PANX1: variants seen among roughly 807,000 people sequenced by gnomAD.
PANX1 encodes pannexin 1, also known as pannexin-1.
Under a neutral mutation model 38.7 loss-of-function variants are expected in PANX1, and 30 were observed. The ratio of observed to expected loss-of-function variants is 0.78; its 90% confidence interval spans 0.58 to 1.05. The LOEUF is 1.05. PANX1 is among the 50% of genes least tolerant of loss of function. The probability of loss-of-function intolerance (pLI) is 0.00; values close to 1 mark genes in which losing one functional copy is unlikely to be tolerated. For missense variants in PANX1, 551 were observed against 517.2 expected, an observed-to-expected ratio of 1.07 and a Z score of -0.63; for synonymous variants, 230 against 212.2, an observed-to-expected ratio of 1.08 and a Z score of -0.73.
At chr11:94,180,388 A>G (rs1203203460) in intron 4 of PANX1, 131 bp downstream of exon 4, 13 of 747,322 alleles carry the variant, frequency 1.7e-5, no homozygotes, top group Non-Finnish European at 2.8e-5. Flanking sequence ...CTTAATACCA[A>G]GGTGCGGGGT....
At chr11:94,172,615 T>G (rs1947181321) in intron 2 of PANX1, among the ~76,000 whole-genome samples, 1 of 151,782 alleles carries the variant, frequency 6.6e-6, no homozygotes, top group African/African-American at 2.4e-5. Context: ...TGCACTATAA[T>G]GGCAGAGTTG....
rs1946642562 is a variant in PANX1, at chr11:94,132,599, G to T, written c.181+3106G>T. Among the ~76,000 whole-genome samples, 2 of 152,102 alleles carry T rather than the reference G, an allele frequency of 1.3e-5. 1 individual carries two copies. The highest frequency in any genetic ancestry group is 4.1e-4 in the South Asian group (2 of 4,822). ...CATTGTTTTCCTGTTTGTGTTGGGG[G>T]GGTGGTGTGTGTGTGTATAAAATTA... On this transcript the variant is annotated intron_variant, in intron 1 of 4. Coordinates refer to ENST00000227638, the MANE Select transcript of PANX1 (RefSeq NM_015368.4).
chr11:94,148,390 G>A (rs957588581), intron 1 of PANX1, among the ~76,000 whole-genome samples: 1 of 152,148 alleles, frequency 6.6e-6, no homozygotes, highest in Non-Finnish European at 1.5e-5. Context: ...ATACCCTTCG[G>A]GGCAAACGTC....
At chr11:94,177,891 T>C (rs1947253508) in intron 2 of PANX1, among the ~76,000 whole-genome samples, 1 of 151,984 alleles carries the variant, frequency 6.6e-6, no homozygotes, top group Non-Finnish European at 1.5e-5. Context: ...GTCGAAGCTT[T>C]TCTAATTTGT....
Position 94,179,830 on chromosome 11 carries a change from C to G in PANX1, c.774C>G (p.Thr258=). 6.2e-7 allele frequency: 1 copy of G among 1,614,096 alleles called. No homozygotes were observed. The highest frequency in any genetic ancestry group is 8.5e-7 in the Non-Finnish European group (1 of 1,180,010). ...IKSGILRNDS[T]VPDQFQCKLI... ...CAGGGATCCTGAGAAACGACAGCACCGTGCCCGATCAGTTTCAGTGCAAAC... is the reference window on the plus strand; with the variant it reads ...CAGGGATCCTGAGAAACGACAGCACGGTGCCCGATCAGTTTCAGTGCAAAC... Residue 258 remains threonine (T), a synonymous_variant, in exon 4 of 5, where the codon ACC becomes ACG. Transcript: ENST00000227638.
At chr11:94,144,295 T>C (rs1358991371) in intron 1 of PANX1, among the ~76,000 whole-genome samples, 1 of 152,158 alleles carries the variant, frequency 6.6e-6, no homozygotes, top group Non-Finnish European at 1.5e-5. Flanking sequence ...TTTCCTCTAG[T>C]GAATGTGTGA....
At chr11:94,141,322 G>T (rs1015761615) in intron 1 of PANX1, among the ~76,000 whole-genome samples, 2 of 152,090 alleles carry the variant, frequency 1.3e-5, no homozygotes, top group African/African-American at 2.4e-5. Context: ...TTTTAAATTT[G>T]CCAATCTTAA....
At chr11:94,148,111 G>A (rs975301362) in intron 1 of PANX1, among the ~76,000 whole-genome samples, 5 of 152,122 alleles carry the variant, frequency 3.3e-5, no homozygotes, top group Admixed American at 6.5e-5. Flanking sequence ...GCTGCGGAGG[G>A]TACTTATATT....
At chr11:94,177,969 A>G (rs979498922) in intron 2 of PANX1, among the ~76,000 whole-genome samples, 1 of 150,210 alleles carries the variant, frequency 6.7e-6, no homozygotes, top group East Asian at 1.9e-4. Context: ...ATGGAGCCGT[A>G]TGCCTTAGTT....
At chr11:94,157,507 A>G (rs1591516044) in intron 2 of PANX1, among the ~76,000 whole-genome samples, 1 of 151,956 alleles carries the variant, frequency 6.6e-6, no homozygotes, top group African/African-American at 2.4e-5. Context: ...GCATTTTTTC[A>G]TGTGTCTGTT....
At chr11:94,169,123 T>C (rs1017680092) in intron 2 of PANX1, among the ~76,000 whole-genome samples, 15 of 151,538 alleles carry the variant, frequency 9.9e-5, no homozygotes, top group African/African-American at 2.4e-4. Flanking sequence ...GCTATAGATA[T>C]GGCAGATTGT....
intron 4 of PANX1, among the ~76,000 whole-genome samples, chr11:94,180,549 G>A (rs780239059): frequency 1.3e-5 from 2 of 152,062 alleles, no homozygotes; most frequent in Admixed American, 6.6e-5. Context: ...AATCTTCCTT[G>A]TCTTTCTTGC....
chr11:94,180,768 T>G, intron 4 of PANX1, 22 bp from the exon 5 acceptor site: 1 of 1,285,624 alleles, frequency 7.8e-7, no homozygotes, highest in Middle Eastern at 1.9e-4. Flanking sequence ...CTGTCATAAA[T>G]ATTTGTTTTC....
chr11:94,164,424 A>AC (rs1446976950), intron 2 of PANX1, among the ~76,000 whole-genome samples: 3 of 152,216 alleles, frequency 2.0e-5, no homozygotes, highest in Non-Finnish European at 4.4e-5. Context: ...GTTTCAAGAA[A>AC]TTTTTAAACT....
intron 1 of PANX1, among the ~76,000 whole-genome samples, chr11:94,130,070 C>A (rs771181129): frequency 6.6e-6 from 1 of 152,194 alleles, no homozygotes; most frequent in Non-Finnish European, 1.5e-5. Flanking sequence ...TGAACAAGTC[C>A]CCTTCCTGTA....
rs561593701 is a variant in PANX1 at position 94,179,162 on chromosome 11, T to C, written c.546-440T>C. On this transcript the variant is annotated intron_variant, in intron 3 of 4. Coordinates refer to ENST00000227638, the MANE Select transcript of PANX1 (RefSeq NM_015368.4). ...CTCAGAGCAACATTACTAGTGCATT[T>C]GTTAACCTCCTCCTCCACTTTTATT... is the stretch of plus-strand genomic sequence containing the variant. Among the ~76,000 whole-genome samples, 27 of 152,320 alleles carry C rather than the reference T, an allele frequency of 1.8e-4. No homozygotes were observed. The South Asian group carries it at 5.4e-3, about 30-fold the overall frequency.
At position 94,181,018 on chromosome 11, in the gene PANX1, T is replaced by C. The variant is rs913198709; in HGVS notation, c.*149T>C. ...TGTCTTATTGAGTCCCTAATGGAAA[T>C]GGTGATCAACAAAAGGTTATGGAAG... On this transcript the variant is annotated 3_prime_UTR_variant, in exon 5 of 5. Coordinates refer to ENST00000227638, the MANE Select transcript of PANX1 (RefSeq NM_015368.4). 1 of 614,656 alleles carries C rather than the reference T, an allele frequency of 1.6e-6. No individual in the cohort carries two copies. Among genetic ancestry groups the C allele is most frequent in the Non-Finnish European group, 2.9e-6 (1 of 341,622 alleles). 38.1% of individuals were successfully genotyped at this position (614,656 alleles called of 1,614,324 possible). A position where few individuals can be genotyped will look rare whatever the true frequency, so the allele number is the denominator to read the frequency against.
intron 2 of PANX1, among the ~76,000 whole-genome samples, chr11:94,154,713 A>G (rs1372608872): frequency 1.3e-5 from 2 of 152,130 alleles, no homozygotes; most frequent in African/African-American, 2.4e-5. Flanking sequence ...TGCACAGTCA[A>G]AAATTTGTGT....
At chr11:94,162,368 C>A (rs1365388752) in intron 2 of PANX1, among the ~76,000 whole-genome samples, 2 of 152,224 alleles carry the variant, frequency 1.3e-5, no homozygotes, top group Non-Finnish European at 2.9e-5. Context: ...GGGCTCCACC[C>A]ATTTCGAGTT....
Sources: allele counts gnomAD v4.1 joint callset (sites outside exome capture counted in the v4.1 genomes callset), GRCh38; gene constraint gnomAD v4.1.1; transcripts MANE v1.5; gene names NCBI Gene and HGNC (gene_info 2026-07-23, HGNC 2026-07-21).